The following BCAS4 variants were observed in gnomAD, a reference collection of about 807,000 sequenced individuals.
BCAS4 encodes breast carcinoma-amplified sequence 4.
BCAS4 carries 9 observed loss-of-function variants against 15.7 expected under a neutral mutation model. The observed-to-expected ratio is 0.57, with a 90% CI of 0.34 to 1.00. The LOEUF (loss-of-function observed/expected upper bound fraction) is 1.00, where lower values mean the gene tolerates loss of function less well. Ranked by LOEUF, BCAS4 falls within the 50% of genes least tolerant of loss-of-function variation. BCAS4 has a pLI of 0.02. For missense variants in BCAS4, 225 were observed against 239.1 expected (o/e 0.94, Z 0.39); for synonymous variants, 101 against 99.5 (o/e 1.02, Z -0.09).
chr20:50,856,823 C>G (rs899158403), intron 4 of BCAS4, among the ~76,000 whole-genome samples: 1 of 152,194 alleles, frequency 6.6e-6, no homozygotes, highest in Non-Finnish European at 1.5e-5. Flanking sequence ...TGAGCACCTA[C>G]TGTGTGCCAG....
At chr20:50,836,414 A>G (rs1394982910) in intron 3 of BCAS4, among the ~76,000 whole-genome samples, 1 of 152,202 alleles carries the variant, frequency 6.6e-6, no homozygotes, top group East Asian at 1.9e-4. Flanking sequence ...GGAATGTGCC[A>G]TCTACCCCTC....
chr20:50,871,365 A>C (rs182398943), intron 4 of BCAS4, among the ~76,000 whole-genome samples: 1,936 of 152,302 alleles, frequency 0.013, 45 homozygotes, highest in African/African-American at 0.044. Flanking sequence ...GCCTCTGGGA[A>C]ATGGTCCTGT....
At chr20:50,839,300 T>C (rs892310687) in intron 3 of BCAS4, among the ~76,000 whole-genome samples, 2 of 152,214 alleles carry the variant, frequency 1.3e-5, no homozygotes, top group Admixed American at 1.3e-4. Context: ...AGAGACAGTA[T>C]GAAAAGACAG....
intron 1 of BCAS4, 94 bp from the exon 2 acceptor site, chr20:50,818,117 A>T: frequency 8.5e-7 from 1 of 1,174,026 alleles, no homozygotes; most frequent in Non-Finnish European, 1.2e-6. Context: ...CATAATCCTA[A>T]GACTTAGTTT....
At chr20:50,857,099 A>G (rs549190534) in intron 4 of BCAS4, among the ~76,000 whole-genome samples, 1 of 152,250 alleles carries the variant, frequency 6.6e-6, no homozygotes, top group Non-Finnish European at 1.5e-5. Context: ...AGCCCTGTTC[A>G]GAATGAAATG....
intron 4 of BCAS4, among the ~76,000 whole-genome samples, chr20:50,874,856 T>G (rs1979843519): frequency 6.6e-6 from 1 of 152,190 alleles, no homozygotes; most frequent in Non-Finnish European, 1.5e-5. Context: ...CACGCAGCTT[T>G]CAGCTGTAGC....
chr20:50,795,209 TCTCGCGGTTAGGGGTCCGGGCTC>T, intron 1 of BCAS4, 36 bp downstream of exon 1: 4 of 1,351,770 alleles, frequency 3.0e-6, no homozygotes, highest in Non-Finnish European at 3.8e-6. Context: ...AGGAGAGGGT[TCTCGCGGTTAGGGGTCCGGGCTC>T]CGGACCCTCG....
intron 1 of BCAS4, among the ~76,000 whole-genome samples, chr20:50,817,772 C>T (rs1053370772): frequency 1.3e-5 from 2 of 151,932 alleles, no homozygotes; most frequent in South Asian, 2.1e-4. Flanking sequence ...TTTTCCTCTC[C>T]GGGGTATCAC....
chr20:50,840,389 C>T, intron 3 of BCAS4: 1 of 606,218 alleles, frequency 1.6e-6, no homozygotes, highest in Non-Finnish European at 3.0e-6. Flanking sequence ...CCCACTTCTT[C>T]CTTCACCAAC....
chr20:50,863,496 G>C (rs759827355), intron 4 of BCAS4, among the ~76,000 whole-genome samples: 1 of 152,034 alleles, frequency 6.6e-6, no homozygotes, highest in Non-Finnish European at 1.5e-5. Flanking sequence ...GACCTCAAGC[G>C]ATACGCCTGT....
chr20:50,818,294 C>CCTGGAAGGCGTGGGTTTAGGT lies in BCAS4; in HGVS notation c.162+32_162+33insTCTGGAAGGCGTGGGTTTAGG. 1.2e-6 allele frequency: 2 copies of CCTGGAAGGCGTGGGTTTAGGT among 1,611,686 alleles called. No homozygotes were observed. The highest frequency in any genetic ancestry group is 8.5e-7 in the Non-Finnish European group (1 of 1,179,074). On this transcript the variant is annotated intron_variant, in intron 2 of 4. Coordinates refer to ENST00000371608, the MANE Select transcript of BCAS4 (RefSeq NM_198799.4). ...GCCTGGCTGACCTGGTGAGTGGCTG[C>CCTGGAAGGCGTGGGTTTAGGT]CTGGAAGGCGTGGGTTTAGGCCCAG...
intron 4 of BCAS4, among the ~76,000 whole-genome samples, chr20:50,870,448 AC>A (rs1179719619): frequency 9.2e-5 from 14 of 152,252 alleles, no homozygotes; most frequent in Non-Finnish European, 1.9e-4. Flanking sequence ...CTGAGGCTTC[AC>A]CCTGTCACGT....
intron 3 of BCAS4, among the ~76,000 whole-genome samples, chr20:50,831,377 C>A (rs888032737): frequency 1.3e-5 from 2 of 151,876 alleles, no homozygotes; most frequent in South Asian, 2.1e-4. Context: ...TGCACCACTG[C>A]ACTCCAGCCT....
At chr20:50,823,587 CA>C (rs1417206457) in intron 2 of BCAS4, among the ~76,000 whole-genome samples, 1 of 152,216 alleles carries the variant, frequency 6.6e-6, no homozygotes, top group East Asian at 1.9e-4. Flanking sequence ...TCTGAGAGGA[CA>C]AAGTGGGAGG....
At chr20:50,852,275 G>T (rs948838438) in intron 4 of BCAS4, among the ~76,000 whole-genome samples, 18 of 152,216 alleles carry the variant, frequency 1.2e-4, no homozygotes, top group African/African-American at 4.3e-4. Flanking sequence ...AGAGAGGCCA[G>T]GTTGGGGCTG....
At chr20:50,796,482 TATA>T (rs1415578701) in intron 1 of BCAS4, among the ~76,000 whole-genome samples, 246 of 13,594 alleles carry the variant, frequency 0.018, 7 homozygotes, top group African/African-American at 0.036. Context: ...TATATATATA[TATA>T]TATTTTTTTT....
At chr20:50,846,002 A>G (rs1344017118) in intron 4 of BCAS4, among the ~76,000 whole-genome samples, 4 of 152,200 alleles carry the variant, frequency 2.6e-5, no homozygotes, top group Admixed American at 1.3e-4. Context: ...CCCCTCAGCC[A>G]GCTTTCCGAC....
chr20:50,827,830 G>A (rs927711924), intron 2 of BCAS4, among the ~76,000 whole-genome samples: 5 of 152,092 alleles, frequency 3.3e-5, no homozygotes, highest in African/African-American at 4.8e-5. Context: ...GGGTTTAAGC[G>A]ATTCTCCTGC....
chr20:50,807,061 G>A (rs2123755707), intron 1 of BCAS4, among the ~76,000 whole-genome samples: 1 of 151,876 alleles, frequency 6.6e-6, no homozygotes, highest in East Asian at 1.9e-4. Context: ...TAGTAGAGAT[G>A]GGGTTTCACT....
Sources: allele counts gnomAD v4.1 joint callset (sites outside exome capture counted in the v4.1 genomes callset), GRCh38; gene constraint gnomAD v4.1.1; transcripts MANE v1.5; gene names NCBI Gene and HGNC (gene_info 2026-07-23, HGNC 2026-07-21).